The following EDA variants were observed in gnomAD, a reference collection of about 807,000 sequenced individuals.
The protein encoded by EDA is ectodysplasin-A.
In EDA, 2 loss-of-function variants were observed where a neutral mutation model predicts 23.6. The observed-to-expected ratio is 0.08, with a 90% CI of 0.03 to 0.27. The LOEUF (loss-of-function observed/expected upper bound fraction) is 0.27, where lower values mean the gene tolerates loss of function less well. EDA is among the 10% of genes least tolerant of loss of function. EDA has a pLI of 1.00. For synonymous variants in EDA, 131 were observed against 132.0 expected (o/e 0.99, Z 0.05); for missense variants, 229 against 324.2 (o/e 0.71, Z 2.26).
chrX:69,863,847 C>G (rs1015815759), intron 1 of EDA, among the ~76,000 whole-genome samples: 1 of 109,250 alleles, frequency 9.2e-6, no homozygotes, highest in African/African-American at 3.3e-5. Context: ...TGAAATGGAA[C>G]CAAGCACTAA....
At chrX:69,966,537 C>T (rs1457838504) in intron 2 of EDA, among the ~76,000 whole-genome samples, 1 of 104,929 alleles carries the variant, frequency 9.5e-6, no homozygotes, top group Non-Finnish European at 1.9e-5. Context: ...CAAGATCGCA[C>T]CACTGCAGCC....
At position 69,741,115 on chromosome X, in the gene EDA, T is replaced by C. The variant is rs1428848216; in HGVS notation, c.396+124411T>C. ...ATAGCTTCCTTTACTTCTTTAGCCATGGTTTCCTTTAGTTTTTTGAACATA... is the reference window on the plus strand; with the variant it reads ...ATAGCTTCCTTTACTTCTTTAGCCACGGTTTCCTTTAGTTTTTTGAACATA... On this transcript the variant is annotated intron_variant, in intron 1 of 7. Transcript: ENST00000374552. Among the ~76,000 whole-genome samples the C allele has an allele frequency of 7.2e-5, 8 of 110,368 alleles. No homozygotes were observed. In the Admixed American group the frequency reaches 7.8e-4, roughly 11 times the overall value.
At chrX:69,812,419 T>G (rs943029867) in intron 1 of EDA, among the ~76,000 whole-genome samples, 31 of 112,889 alleles carry the variant, frequency 2.7e-4, no homozygotes, top group Non-Finnish European at 4.7e-4. Context: ...AGTGCACTTG[T>G]ATTCTGTACC....
intron 1 of EDA, among the ~76,000 whole-genome samples, chrX:69,713,289 C>T (rs1045213790): frequency 8.9e-6 from 1 of 111,755 alleles, no homozygotes; most frequent in Non-Finnish European, 1.9e-5. Flanking sequence ...CTCTAGTTTC[C>T]GCTAATGGTA....
intron 1 of EDA, among the ~76,000 whole-genome samples, chrX:69,805,912 GAACT>G (rs778571963): frequency 3.6e-5 from 4 of 111,685 alleles, no homozygotes. Context: ...ATTTTAAGAT[GAACT>G]AACTGAGATT....
intron 1 of EDA, among the ~76,000 whole-genome samples, chrX:69,890,497 A>G (rs1447690349): frequency 9.0e-6 from 1 of 111,253 alleles, no homozygotes; most frequent in Non-Finnish European, 1.9e-5. Context: ...ATACTACCCA[A>G]CTATACTATA....
chrX:69,701,319 G>T (rs931030919), intron 1 of EDA, among the ~76,000 whole-genome samples: 7 of 110,950 alleles, frequency 6.3e-5, no homozygotes, highest in Non-Finnish European at 1.3e-4. Flanking sequence ...ACTTCCAGTG[G>T]GGTCCTCCGC....
At chrX:69,673,610 C>T (rs1824675423) in intron 1 of EDA, among the ~76,000 whole-genome samples, 1 of 111,410 alleles carries the variant, frequency 9.0e-6, no homozygotes, top group Admixed American at 9.5e-5. Flanking sequence ...CATTTAGAAG[C>T]AAAGTTATTG....
At chrX:69,906,302 CAA>C (rs1052664057) in intron 1 of EDA, among the ~76,000 whole-genome samples, 8 of 112,326 alleles carry the variant, frequency 7.1e-5, no homozygotes, top group African/African-American at 2.6e-4. Context: ...CTATAGAACA[CAA>C]AGTTACATTT....
At chrX:69,617,010 C>A in intron 1 of EDA, 1 of 424,250 alleles carries the variant, frequency 2.4e-6, no homozygotes, top group Non-Finnish European at 4.2e-6. Context: ...TGCGCTGCCC[C>A]CCGGCCGACT....
At chrX:69,655,641 A>G (rs185376959) in intron 1 of EDA, among the ~76,000 whole-genome samples, 5 of 104,774 alleles carry the variant, frequency 4.8e-5, no homozygotes, top group African/African-American at 1.1e-4. Flanking sequence ...TCATTTTTGG[A>G]TAAATCTGAA....
chrX:69,975,901 T>C (rs1269902279), intron 2 of EDA, among the ~76,000 whole-genome samples: 1 of 112,077 alleles, frequency 8.9e-6, no homozygotes, highest in African/African-American at 3.2e-5. Flanking sequence ...ATTTTTAAAT[T>C]ACCTATGTGG....
At chrX:70,015,607 T>C (rs986727143) in intron 2 of EDA, among the ~76,000 whole-genome samples, 4 of 111,163 alleles carry the variant, frequency 3.6e-5, no homozygotes, top group Non-Finnish European at 7.5e-5. Flanking sequence ...CAACCAAGAA[T>C]TTCATGTCCA....
chrX:69,963,698 T>A (rs1287596375), intron 2 of EDA, among the ~76,000 whole-genome samples: 1 of 111,829 alleles, frequency 8.9e-6, no homozygotes, highest in Non-Finnish European at 1.9e-5. Flanking sequence ...CCACTAACAC[T>A]TGGTTAACAA....
intron 1 of EDA, among the ~76,000 whole-genome samples, chrX:69,845,768 G>A (rs1357004188): frequency 9.0e-6 from 1 of 111,652 alleles, no homozygotes; most frequent in African/African-American, 3.3e-5. Flanking sequence ...TTTGTACTGA[G>A]GGAAGCCAGC....
At chrX:69,690,988 C>T (rs1478365832) in intron 1 of EDA, among the ~76,000 whole-genome samples, 1 of 111,777 alleles carries the variant, frequency 8.9e-6, no homozygotes, top group Non-Finnish European at 1.9e-5. Context: ...CTCTTTCATT[C>T]TGAATTTTAG....
intron 1 of EDA, among the ~76,000 whole-genome samples, chrX:69,791,013 TATGAC>T (rs1400096126): frequency 8.9e-6 from 1 of 111,876 alleles, no homozygotes; most frequent in East Asian, 2.8e-4. Context: ...ATAGTTAACT[TATGAC>T]AGGGAAGATA....
chrX:69,713,127 G>A (rs1480492453), intron 1 of EDA, among the ~76,000 whole-genome samples: 6 of 110,511 alleles, frequency 5.4e-5, no homozygotes, highest in Non-Finnish European at 1.1e-4. Context: ...ACGAGTTAAT[G>A]GGTGCAACAC....
chrX:69,979,808 A>G (rs1455284820), intron 2 of EDA, among the ~76,000 whole-genome samples: 1 of 111,497 alleles, frequency 9.0e-6, no homozygotes, highest in Non-Finnish European at 1.9e-5. Flanking sequence ...TTATTTGCCA[A>G]TATTTTGTCT....
Sources: allele counts gnomAD v4.1 joint callset (sites outside exome capture counted in the v4.1 genomes callset), GRCh38; gene constraint gnomAD v4.1.1; transcripts MANE v1.5; gene names NCBI Gene and HGNC (gene_info 2026-07-23, HGNC 2026-07-21).